The following SMAP1 variants were observed in gnomAD, a reference collection of about 807,000 sequenced individuals.
SMAP1 encodes stromal membrane-associated protein 1.
In SMAP1, 24 loss-of-function variants were observed where a neutral mutation model predicts 58.5. The observed-to-expected ratio is 0.41, with a 90% CI of 0.30 to 0.58. The LOEUF (loss-of-function observed/expected upper bound fraction) is 0.58. SMAP1 is among the 20% of genes least tolerant of loss of function. The pLI is 0.29. For missense variants in SMAP1, 563 were observed against 566.3 expected, an observed-to-expected ratio of 0.99 and a Z score of 0.06; for synonymous variants, 216 against 196.6, an observed-to-expected ratio of 1.10 and a Z score of -0.82.
intron 3 of SMAP1, among the ~76,000 whole-genome samples, chr6:70,770,262 A>T (rs4379251): frequency 6.6e-6 from 1 of 151,108 alleles, no homozygotes; most frequent in African/African-American, 2.4e-5. Flanking sequence ...TCTTTGTGGC[A>T]TTCTCTGTAT....
At chr6:70,851,344 T>C (rs1771176977) in intron 7 of SMAP1, among the ~76,000 whole-genome samples, 1 of 152,222 alleles carries the variant, frequency 6.6e-6, no homozygotes, top group East Asian at 1.9e-4. Context: ...CTGTGGATTG[T>C]GGTGGAAATA....
intron 2 of SMAP1, among the ~76,000 whole-genome samples, chr6:70,747,661 G>A (rs1303477365): frequency 2.0e-5 from 3 of 152,146 alleles, no homozygotes; most frequent in South Asian, 2.1e-4. Flanking sequence ...CCTGAGCTGG[G>A]CCTTAAGCAC....
chr6:70,681,834 T>G (rs1256493396), intron 1 of SMAP1, among the ~76,000 whole-genome samples: 2 of 152,228 alleles, frequency 1.3e-5, no homozygotes, highest in Non-Finnish European at 2.9e-5. Context: ...TCAGGTTTTT[T>G]GATGTCTCTA....
rs77317353 is a variant in SMAP1 at position 70,809,589 on chromosome 6, G to C, written c.576+10852G>C. 3.6e-3 allele frequency among the ~76,000 whole-genome samples: 554 copies of C among 152,274 alleles called. 2 individuals are homozygous for C. The highest frequency in any genetic ancestry group is 0.013 in the African/African-American group (531 of 41,562). ...GGTTATGTTGTTTAACAATCTGACA[G>C]ATACATTTACACACCCACCAAGCTC... On this transcript the variant is annotated intron_variant, in intron 6 of 10. Transcript: ENST00000370455.
chr6:70,857,555 G>C (rs933131645), intron 9 of SMAP1: 2 of 221,238 alleles, frequency 9.0e-6, no homozygotes, highest in African/African-American at 4.6e-5. Flanking sequence ...ATTGAAGCGA[G>C]ATATAGTCAG....
At chr6:70,810,954 A>C (rs1352463751) in intron 6 of SMAP1, among the ~76,000 whole-genome samples, 1 of 152,198 alleles carries the variant, frequency 6.6e-6, no homozygotes, top group African/African-American at 2.4e-5. Flanking sequence ...CTTAAAGTTT[A>C]TCTCTCTTTG....
chr6:70,783,230 C>A (rs912298848), intron 4 of SMAP1, among the ~76,000 whole-genome samples: 6 of 152,300 alleles, frequency 3.9e-5, no homozygotes, highest in South Asian at 2.1e-4. Flanking sequence ...AACAGACCTG[C>A]AGCTGAGGGT....
chr6:70,705,933 A>T (rs527992014), intron 1 of SMAP1, among the ~76,000 whole-genome samples: 57 of 152,278 alleles, frequency 3.7e-4, no homozygotes, highest in African/African-American at 1.3e-3. Context: ...GAGCTGTTAT[A>T]CTGCCTTTAG....
chr6:70,758,317 C>T (rs1299766505), intron 3 of SMAP1, among the ~76,000 whole-genome samples: 2 of 143,022 alleles, frequency 1.4e-5, no homozygotes, highest in Non-Finnish European at 3.0e-5. Context: ...GGGAACTGAA[C>T]AATGAGATCA....
intron 6 of SMAP1, among the ~76,000 whole-genome samples, chr6:70,833,667 T>G (rs538068400): frequency 1.1e-4 from 16 of 152,214 alleles, no homozygotes; most frequent in Non-Finnish European, 2.1e-4. Flanking sequence ...GAAATACATT[T>G]TACATTATGA....
chr6:70,717,673 G>C (rs577557538), intron 1 of SMAP1, among the ~76,000 whole-genome samples: 1 of 152,120 alleles, frequency 6.6e-6, no homozygotes, highest in African/African-American at 2.4e-5. Flanking sequence ...GTAAAGCTAC[G>C]GGCTTCCTTT....
At chr6:70,846,570 G>C (rs1213478283) in intron 7 of SMAP1, among the ~76,000 whole-genome samples, 3 of 152,210 alleles carry the variant, frequency 2.0e-5, no homozygotes, top group Non-Finnish European at 4.4e-5. Context: ...AACATTTGGA[G>C]GTGGAGTTGG....
At chr6:70,798,812 G>A in intron 6 of SMAP1, 75 bp downstream of exon 6, 3 of 1,134,672 alleles carry the variant, frequency 2.6e-6, no homozygotes, top group Non-Finnish European at 2.5e-6. Context: ...ATGACTTTCT[G>A]GATATTTATA....
At chr6:70,786,311 TAAC>T in intron 4 of SMAP1, among the ~76,000 whole-genome samples, 1 of 146,088 alleles carries the variant, frequency 6.8e-6, no homozygotes, top group Non-Finnish European at 1.5e-5. Flanking sequence ...CTCAAAATAA[TAAC>T]AGCTATCTAT....
chr6:70,693,298 CTTTTTTTTTT>C (rs55693339), intron 1 of SMAP1, among the ~76,000 whole-genome samples: 1 of 109,642 alleles, frequency 9.1e-6, no homozygotes, highest in Non-Finnish European at 1.8e-5. Flanking sequence ...ATGTCATCTT[CTTTTTTTTTT>C]TTTTTTTTTT....
At chr6:70,676,731 G>A (rs781990) in intron 1 of SMAP1, among the ~76,000 whole-genome samples, 75,376 of 151,968 alleles carry the variant, frequency 0.5, 19,035 homozygotes, top group Non-Finnish European at 0.52. Context: ...CAAAATACCA[G>A]TTTAAACAAA....
chr6:70,674,025 C>G (rs1480109189), intron 1 of SMAP1, among the ~76,000 whole-genome samples: 1 of 152,024 alleles, frequency 6.6e-6, no homozygotes, highest in African/African-American at 2.4e-5. Context: ...CTTTATTAAC[C>G]TATAACAGAC....
chr6:70,768,859 A>C (rs1767131305), intron 3 of SMAP1, among the ~76,000 whole-genome samples: 2 of 151,530 alleles, frequency 1.3e-5, no homozygotes, highest in Admixed American at 1.3e-4. Context: ...TCACTTTTGG[A>C]TCTTTCCTGC....
rs1771685249 is a variant in SMAP1, at chr6:70,860,767, T to C, written c.*433T>C. On this transcript the variant is annotated 3_prime_UTR_variant, in exon 11 of 11. Transcript: ENST00000370455. ...CAAATGTTTAATCATATAAATAGAA[T>C]GTAAATGTCTCACTGAGCACTGTTT... 5.0e-6 allele frequency: 2 copies of C among 399,440 alleles called. No individual in the cohort carries two copies. The highest frequency in any genetic ancestry group is 8.8e-6 in the Non-Finnish European group (2 of 226,408). The allele number at this position is 399,440 out of a possible 1,614,324, so 24.7% of individuals were successfully genotyped here.
Sources: allele counts gnomAD v4.1 joint callset (sites outside exome capture counted in the v4.1 genomes callset), GRCh38; gene constraint gnomAD v4.1.1; transcripts MANE v1.5; gene names NCBI Gene and HGNC (gene_info 2026-07-23, HGNC 2026-07-21).